The following LARGE1 variants were observed in gnomAD, a reference collection of about 807,000 sequenced individuals.
LARGE1 encodes xylosyl- and glucuronyltransferase LARGE1.
LARGE1 carries 43 observed loss-of-function variants against 87.6 expected under a neutral mutation model. That is an observed-to-expected ratio of 0.49 (90% CI 0.38 to 0.63). The LOEUF is 0.63. Ranked by LOEUF, LARGE1 falls within the 30% of genes least tolerant of loss-of-function variation. The pLI is 0.00. For missense variants in LARGE1, 802 were observed against 1,000.2 expected (o/e 0.80, Z 2.67); for synonymous variants, 434 against 394.6 (o/e 1.10, Z -1.18).
At chr22:33,727,843 G>A (rs1443858268) in intron 2 of LARGE1, among the ~76,000 whole-genome samples, 1 of 152,134 alleles carries the variant, frequency 6.6e-6, no homozygotes, top group East Asian at 1.9e-4. Flanking sequence ...GACTTCCTGA[G>A]GCTTGGAAAG....
intron 6 of LARGE1, among the ~76,000 whole-genome samples, chr22:33,491,972 T>C (rs1001537035): frequency 1.3e-5 from 2 of 152,108 alleles, no homozygotes; most frequent in Admixed American, 1.3e-4. Context: ...GCTCCACAAA[T>C]GGTAAGAAGA....
intron 1 of LARGE1, among the ~76,000 whole-genome samples, chr22:33,918,424 TGTTCGAGTGA>T (rs1377496379): frequency 6.6e-6 from 1 of 152,234 alleles, no homozygotes. Context: ...TTTGCCTCTC[TGTTCGAGTGA>T]GTTTTCTTCC....
intron 7 of LARGE1, 72 bp from the exon 8 acceptor site, chr22:33,384,376 C>G: frequency 7.7e-6 from 8 of 1,044,994 alleles, no homozygotes; most frequent in Non-Finnish European, 1.2e-5. Context: ...CACCTACTCA[C>G]ATCACAGCCA....
intron 5 of LARGE1, among the ~76,000 whole-genome samples, chr22:33,588,540 C>T (rs923758822): frequency 1.6e-4 from 25 of 152,058 alleles, no homozygotes; most frequent in African/African-American, 4.8e-4. Flanking sequence ...TGTGTGCGCA[C>T]GCACGCATAT....
intron 9 of LARGE1, among the ~76,000 whole-genome samples, chr22:33,339,443 C>G (rs1938903056): frequency 6.6e-6 from 1 of 152,004 alleles, no homozygotes; most frequent in Admixed American, 6.6e-5. Context: ...ATGGTCAGCA[C>G]TCAGACTGTA....
At chr22:33,819,252 A>G (rs2086748047) in intron 1 of LARGE1, among the ~76,000 whole-genome samples, 1 of 141,768 alleles carries the variant, frequency 7.1e-6, no homozygotes, top group Non-Finnish European at 1.6e-5. Context: ...GTCTTCTCCC[A>G]GTGGTGTGTG....
the LARGE1 span, among the ~76,000 whole-genome samples, chr22:33,148,031 T>A: frequency 1.4e-4 from 22 of 152,188 alleles, no homozygotes; most frequent in Admixed American, 1.4e-3. Flanking sequence ...ATTAATTCTG[T>A]TATCATGGGA....
intron 10 of LARGE1, among the ~76,000 whole-genome samples, chr22:33,334,160 C>A (rs928977354): frequency 1.3e-5 from 2 of 151,030 alleles, no homozygotes; most frequent in African/African-American, 4.9e-5. Flanking sequence ...TGCCTGTAAT[C>A]CCAGCACTTT....
At chr22:33,143,656 G>A in the LARGE1 span, among the ~76,000 whole-genome samples, 1 of 151,816 alleles carries the variant, frequency 6.6e-6, no homozygotes, top group African/African-American at 2.4e-5. Flanking sequence ...CATAATTCTG[G>A]CCAAAAAGAA....
chr22:33,902,892 A>G (rs1368560514), intron 1 of LARGE1, among the ~76,000 whole-genome samples: 1 of 152,110 alleles, frequency 6.6e-6, no homozygotes, highest in African/African-American at 2.4e-5. Context: ...AGCACTTTGG[A>G]AGGCCAAGGC....
chr22:33,258,461 A>G (rs1306058648), intron 11 of LARGE1, among the ~76,000 whole-genome samples: 2 of 152,166 alleles, frequency 1.3e-5, no homozygotes, highest in Non-Finnish European at 1.5e-5. Context: ...GGAGAAATGG[A>G]AGTGTCAGAG....
At chr22:33,816,685 TAGATAGACAGACAGACAGACAGAC>T (rs1015946233) in intron 1 of LARGE1, among the ~76,000 whole-genome samples, 4 of 133,282 alleles carry the variant, frequency 3.0e-5, no homozygotes, top group Non-Finnish European at 6.3e-5. Context: ...GATAGATAGA[TAGATAGACAGACAGACAGACAGAC>T]AGACAGACAG....
At chr22:33,614,303 C>G (rs993373910) in intron 4 of LARGE1, among the ~76,000 whole-genome samples, 2 of 152,134 alleles carry the variant, frequency 1.3e-5, no homozygotes, top group African/African-American at 2.4e-5. Flanking sequence ...ATTATCCTAT[C>G]CAACCTTGGG....
chr22:33,513,457 G>T (rs2148455797), intron 6 of LARGE1, among the ~76,000 whole-genome samples: 1 of 152,242 alleles, frequency 6.6e-6, no homozygotes, highest in South Asian at 2.1e-4. Flanking sequence ...GTTCCAGACT[G>T]TTATATGGCC....
chr22:33,469,958 T>C (rs545774699), intron 6 of LARGE1, among the ~76,000 whole-genome samples: 4 of 147,602 alleles, frequency 2.7e-5, no homozygotes, highest in African/African-American at 9.9e-5. Context: ...GGTGCGATCT[T>C]GGCTCACTGC....
At chr22:33,656,166 A>G (rs1325104568) in intron 2 of LARGE1, among the ~76,000 whole-genome samples, 2 of 152,204 alleles carry the variant, frequency 1.3e-5, no homozygotes, top group African/African-American at 4.8e-5. Flanking sequence ...TGATAAAGAC[A>G]TAGCCGAGAC....
At chr22:33,312,245 C>T (rs958144555) in intron 11 of LARGE1, among the ~76,000 whole-genome samples, 2 of 151,994 alleles carry the variant, frequency 1.3e-5, no homozygotes, top group Admixed American at 6.5e-5. Context: ...AGATTGAGAC[C>T]ATGCTGGCCA....
chr22:33,201,527 G>A (rs1406407293), intron 11 of LARGE1, among the ~76,000 whole-genome samples: 2 of 152,034 alleles, frequency 1.3e-5, no homozygotes, highest in African/African-American at 2.4e-5. Context: ...TGAATAGGGT[G>A]GTCACAATTA....
intron 4 of LARGE1, among the ~76,000 whole-genome samples, chr22:33,615,454 C>A (rs1364404900): frequency 6.6e-6 from 1 of 151,266 alleles, no homozygotes; most frequent in Non-Finnish European, 1.5e-5. Flanking sequence ...CCCTGAAGCA[C>A]AAACAATGAA....
Sources: gnomAD v4.1 joint callset for allele counts (sites outside exome capture counted in the v4.1 genomes callset) on GRCh38, gnomAD v4.1.1 for gene constraint, MANE v1.5 for transcripts, NCBI Gene and HGNC (gene_info 2026-07-23, HGNC 2026-07-21) for gene names.